MTERF3: variants seen among roughly 807,000 people sequenced by gnomAD.
MTERF3 encodes transcription termination factor 3, mitochondrial.
Under a neutral mutation model 40.5 loss-of-function variants are expected in MTERF3, and 40 were observed. The observed-to-expected ratio is 0.99, with a 90% confidence interval of 0.77 to 1.29. The LOEUF is 1.29. MTERF3 is among the 50% of genes most tolerant of loss of function. MTERF3 has a pLI of 0.00. For synonymous variants in MTERF3, 158 were observed against 166.6 expected, an observed-to-expected ratio of 0.95 and a Z score of 0.40; for missense variants, 452 against 478.2, an observed-to-expected ratio of 0.95 and a Z score of 0.51.
chr8:96,249,126 G>A (rs1172731556), intron 4 of MTERF3, among the ~76,000 whole-genome samples: 4 of 152,182 alleles, frequency 2.6e-5, no homozygotes, highest in African/African-American at 9.7e-5. Flanking sequence ...TTCCTTCAAA[G>A]AATTAAATGT....
chr8:96,239,740 T>A, intron 7 of MTERF3, 55 bp from the exon 8 acceptor site: 2 of 1,437,486 alleles, frequency 1.4e-6, no homozygotes, highest in Non-Finnish European at 9.4e-7. Flanking sequence ...GATGAAATAT[T>A]AAAAAGTTTA....
Position 96,240,592 on chromosome 8 carries a change from A to G in MTERF3, c.1060-907T>C, listed in dbSNP as rs532955970. On this transcript the variant is annotated intron_variant, in intron 7 of 7. Transcript: ENST00000287025. ...AACTAGAGTAAGCGGCAGCAACTTT[A>G]GAAAGGAGTCAGAAGCAGGCAAGGC... Among the ~76,000 whole-genome samples, 14 of 152,286 alleles carry G rather than the reference A, an allele frequency of 9.2e-5. No homozygotes were observed. In the South Asian group the frequency reaches 2.9e-3, roughly 32 times the overall value.
intron 7 of MTERF3, among the ~76,000 whole-genome samples, chr8:96,241,603 G>A (rs1809932329): frequency 6.6e-6 from 1 of 152,168 alleles, no homozygotes. Context: ...TCATTAGAGA[G>A]TTGTGTACTC....
chr8:96,259,762 T>C (rs1360826779), intron 1 of MTERF3, among the ~76,000 whole-genome samples: 2 of 152,220 alleles, frequency 1.3e-5, no homozygotes, highest in Non-Finnish European at 2.9e-5. Context: ...ATACTGGAAT[T>C]CAGCTTGTTT....
intron 1 of MTERF3, 32 bp from the exon 2 acceptor site, chr8:96,258,732 G>C: frequency 7.0e-7 from 1 of 1,435,182 alleles, no homozygotes; most frequent in Non-Finnish European, 9.4e-7. Flanking sequence ...GTCAAAAGAA[G>C]AGAAATTTAA....
intron 3 of MTERF3, 97 bp from the exon 4 acceptor site, chr8:96,251,192 C>T: frequency 3.3e-6 from 3 of 895,698 alleles, no homozygotes; most frequent in South Asian, 4.0e-5. Context: ...GAGATCAACA[C>T]CTATCCAAAG....
At position 96,256,977 on chromosome 8, in the gene MTERF3, T is replaced by A. The variant is rs761314466; in HGVS notation, c.472A>T (p.Lys158Ter). The change falls in exon 3 of 8, where the codon AAG (lysine) becomes TAG (stop). Residue 158 changes from lysine to a stop codon, truncating the protein, a stop_gained. Transcript: ENST00000287025. LOFTEE classifies it high-confidence loss of function. ...TCAAACTTACCTAGAAGAACCAACT[T>A]CTGCAGAGTCTCAGAATGATCCACA... Reference protein sequence around the residue: ...DYVDHSETLQKLVLLGVDLSK... With the variant: ...DYVDHSETLQ 12 of 1,607,348 alleles carry A rather than the reference T, an allele frequency of 7.5e-6. No homozygotes were observed. In the East Asian group the frequency reaches 2.7e-4, roughly 36 times the overall value.
At chr8:96,254,023 C>T (rs771823480) in intron 3 of MTERF3, among the ~76,000 whole-genome samples, 3 of 151,898 alleles carry the variant, frequency 2.0e-5, no homozygotes, top group Non-Finnish European at 2.9e-5. Context: ...AAAGATAAGA[C>T]AGGGACTGTG....
rs1419348608 is a variant in MTERF3 at position 96,256,971 on chromosome 8, C to T, written c.478G>A (p.Val160Ile). The stretch of plus-strand genomic sequence containing the variant: ...GTTTAGTCAAACTTACCTAGAAGAA[C>T]CAACTTCTGCAGAGTCTCAGAATGA... The part of the protein sequence containing the change: ...VDHSETLQKL[V>I]LLGVDLSKIE... The change falls in exon 3 of 8, where the codon GTT becomes ATT. Residue 160 changes from valine to isoleucine, a missense_variant. Transcript: ENST00000287025. 4 of 1,599,694 alleles carry T rather than the reference C, an allele frequency of 2.5e-6. No individual in the cohort carries two copies. Among genetic ancestry groups the T allele is most frequent in the Non-Finnish European group, 3.4e-6 (4 of 1,176,052 alleles).
chr8:96,245,427 A>G (rs1266583148), intron 6 of MTERF3, among the ~76,000 whole-genome samples: 2 of 152,050 alleles, frequency 1.3e-5, no homozygotes, highest in East Asian at 1.9e-4. Context: ...GCTGGCTGCT[A>G]CTCTTTTCAC....
chr8:96,247,642 T>C (rs1351786578), intron 4 of MTERF3, among the ~76,000 whole-genome samples: 1 of 152,168 alleles, frequency 6.6e-6, no homozygotes, highest in Non-Finnish European at 1.5e-5. Flanking sequence ...AAGCCTATGG[T>C]ATTTTTATAC....
intron 3 of MTERF3, among the ~76,000 whole-genome samples, chr8:96,252,276 G>C (rs966583044): frequency 1.3e-5 from 2 of 152,068 alleles, no homozygotes; most frequent in Admixed American, 1.3e-4. Context: ...ACTAAAAAAT[G>C]TTATTATACA....
chr8:96,239,984 G>C, intron 7 of MTERF3: 1 of 582,938 alleles, frequency 1.7e-6, no homozygotes, highest in Non-Finnish European at 3.0e-6. Context: ...TCTTCGGCCG[G>C]GCGTGGTGGC....
At chr8:96,247,286 A>G (rs889461533) in intron 4 of MTERF3, among the ~76,000 whole-genome samples, 54 of 152,154 alleles carry the variant, frequency 3.5e-4, no homozygotes, top group African/African-American at 1.2e-3. Context: ...ATGTATTTTT[A>G]TAAATGATTT....
At chr8:96,245,827 A>G (rs1359060071) in intron 6 of MTERF3, 33 bp downstream of exon 6, 1 of 1,588,598 alleles carries the variant, frequency 6.3e-7, no homozygotes, top group South Asian at 1.1e-5. Flanking sequence ...ACTTAAAGAA[A>G]CTGATTTCTC....
intron 6 of MTERF3, 34 bp from the exon 7 acceptor site, chr8:96,244,114 G>A (rs1282232610): frequency 5.8e-6 from 9 of 1,556,062 alleles, no homozygotes; most frequent in Admixed American, 3.5e-5. Flanking sequence ...GAATCGTTAT[G>A]TAGAAATAGT....
Position 96,239,548 on chromosome 8 carries a change from A to C in MTERF3, c.1197T>G (p.Cys399Trp). 1 of 1,611,736 alleles carries C rather than the reference A, an allele frequency of 6.2e-7. No individual in the cohort carries two copies. Among genetic ancestry groups the C allele is most frequent in the Admixed American group, 1.7e-5 (1 of 59,158 alleles). ...GTACTGATGCTTTGGCAATCTCTTC[A>C]CAAAATATTTCATCAGGAATAGATA... ...KLVSIPDEIF[C>W]EEIAKASVQD... Residue 399 changes from cysteine to tryptophan, a missense_variant, in exon 8 of 8, where the codon TGT becomes TGG. Transcript: ENST00000287025.
chr8:96,249,303 T>A (rs1017139680), intron 4 of MTERF3, among the ~76,000 whole-genome samples: 1 of 152,090 alleles, frequency 6.6e-6, no homozygotes, highest in Non-Finnish European at 1.5e-5. Flanking sequence ...GCGTGTGAAA[T>A]GATCCCTACC....
chr8:96,246,218 T>C (rs925075369), intron 5 of MTERF3, 89 bp downstream of exon 5: 2 of 1,240,692 alleles, frequency 1.6e-6, no homozygotes, highest in African/African-American at 3.0e-5. Flanking sequence ...ATGATTCACA[T>C]GGGCCAGGCA....
Sources: gnomAD v4.1 joint callset for allele counts (sites outside exome capture counted in the v4.1 genomes callset) on GRCh38, gnomAD v4.1.1 for gene constraint, MANE v1.5 for transcripts, NCBI Gene and HGNC (gene_info 2026-07-23, HGNC 2026-07-21) for gene names.